The following ZCCHC8 variants were observed in gnomAD, a reference collection of about 807,000 sequenced individuals.
ZCCHC8 encodes zinc finger CCHC domain-containing protein 8.
A neutral mutation model predicts 70.6 loss-of-function variants in ZCCHC8; 27 were observed. That is an observed-to-expected ratio of 0.38 (90% CI 0.28 to 0.53). The LOEUF is 0.53. Ranked by LOEUF, ZCCHC8 falls within the 20% of genes least tolerant of loss-of-function variation. The probability of loss-of-function intolerance (pLI) is 0.81; values close to 1 mark genes in which losing one functional copy is unlikely to be tolerated. For missense variants in ZCCHC8, 737 were observed against 876.9 expected (o/e 0.84, Z 2.01); for synonymous variants, 293 against 317.4 (o/e 0.92, Z 0.82).
intron 2 of ZCCHC8, among the ~76,000 whole-genome samples, chr12:122,492,998 G>T (rs1957773833): frequency 6.6e-6 from 1 of 151,882 alleles, no homozygotes; most frequent in African/African-American, 2.4e-5. Flanking sequence ...TTCCCAAGTA[G>T]CTGGGACCAC....
At chr12:122,495,674 C>T (rs1040439959) in intron 2 of ZCCHC8, among the ~76,000 whole-genome samples, 2 of 151,878 alleles carry the variant, frequency 1.3e-5, no homozygotes, top group East Asian at 1.9e-4. Flanking sequence ...ATGGTGAAAC[C>T]CCGTCTCTAC....
chr12:122,481,831 C>T, intron 9 of ZCCHC8, 114 bp downstream of exon 9: 1 of 1,414,332 alleles, frequency 7.1e-7, no homozygotes, highest in Admixed American at 2.6e-5. Context: ...ATGTATATTA[C>T]CTAGGGCTTT....
chr12:122,489,295 C>T (rs919238315), intron 5 of ZCCHC8, 91 bp downstream of exon 5: 2 of 1,178,454 alleles, frequency 1.7e-6, no homozygotes, highest in Non-Finnish European at 1.2e-6. Flanking sequence ...AGACATATGA[C>T]TATACTACTT....
intron 9 of ZCCHC8, 93 bp downstream of exon 9, chr12:122,481,852 A>T (rs1202053097): frequency 8.2e-6 from 12 of 1,470,266 alleles, no homozygotes; most frequent in Non-Finnish European, 1.0e-5. Context: ...GCCAGAGTAC[A>T]CTTATATCCT....
At chr12:122,489,539 A>C (rs1957708103) in intron 4 of ZCCHC8, 76 bp from the exon 5 acceptor site, 1 of 1,287,730 alleles carries the variant, frequency 7.8e-7, no homozygotes, top group Non-Finnish European at 1.1e-6. Flanking sequence ...GTAAGTTTAG[A>C]AATTAAGCTA....
chr12:122,495,790 G>C (rs1316629195), intron 2 of ZCCHC8, among the ~76,000 whole-genome samples: 3 of 143,888 alleles, frequency 2.1e-5, no homozygotes, highest in African/African-American at 7.7e-5. Flanking sequence ...AGAGGTTGCA[G>C]TGAGCCAAGA....
At chr12:122,481,725 T>C (rs965526469) in intron 9 of ZCCHC8, 61 bp from the exon 10 acceptor site, 5 of 1,539,444 alleles carry the variant, frequency 3.2e-6, no homozygotes, top group African/African-American at 2.8e-5. Flanking sequence ...AAACACATAG[T>C]ATTCTGGTAT....
intron 13 of ZCCHC8, among the ~76,000 whole-genome samples, chr12:122,474,615 G>T (rs992522380): frequency 3.9e-5 from 6 of 152,132 alleles, no homozygotes; most frequent in African/African-American, 1.4e-4. Flanking sequence ...CCAAAAATTT[G>T]TGGCAGAATG....
intron 13 of ZCCHC8, among the ~76,000 whole-genome samples, chr12:122,474,734 CTT>C (rs1235367292): frequency 0.085 from 10,537 of 124,534 alleles, 1,324 homozygotes; most frequent in African/African-American, 0.3. Context: ...TTTCCTAGCT[CTT>C]TTTTTTTTTT....
Position 122,500,742 on chromosome 12 carries a change from G to C in ZCCHC8, c.99C>G (p.Asp33Glu). The C allele has an allele frequency of 1.3e-6, 2 of 1,586,276 alleles. No homozygotes were observed. Among genetic ancestry groups the C allele is most frequent in the Non-Finnish European group, 1.7e-6 (2 of 1,166,772 alleles). ...IPKPVHTRFK[D>E]DDGDEEDENG... ...TTTCGTCCTCCTCGTCGCCGTCGTC[G>C]TCCTTGAAGCGAGTGTGAACGGGCT... The change falls in exon 1 of 14, where the codon GAC becomes GAG. Residue 33 changes from aspartate to glutamate, a missense_variant. Transcript: ENST00000633063. The surrounding 1 kb of genome is among the most constrained non-coding windows in gnomAD (Gnocchi z 4.8).
In ZCCHC8 at chr12:122,490,519, T is replaced by A; in HGVS notation, c.366A>T (p.Arg122Ser). 6.2e-7 allele frequency: 1 copy of A among 1,612,592 alleles called. No homozygotes were observed. The highest frequency in any genetic ancestry group is 1.3e-5 in the African/African-American group (1 of 75,046). Reference protein sequence around the residue: ...IEEFVSNLVKRFEEQQKNDVE... With the variant: ...IEEFVSNLVKSFEEQQKNDVE... ...CATCATTTTTCTGCTGTTCCTCAAA[T>A]CTTTTTACTAAATTTGATACAAATT... Residue 122 changes from arginine (R) to serine (S), a missense_variant, in exon 4 of 14, where the codon AGA becomes AGT. Transcript: ENST00000633063.
intron 11 of ZCCHC8, 51 bp from the exon 12 acceptor site, chr12:122,478,343 CAT>C: frequency 2.9e-6 from 4 of 1,399,832 alleles, no homozygotes; most frequent in South Asian, 2.6e-5. Flanking sequence ...TGGAAAATGT[CAT>C]GTTTTGAGAT....
intron 11 of ZCCHC8, among the ~76,000 whole-genome samples, chr12:122,479,196 C>T (rs1260979928): frequency 6.6e-6 from 1 of 152,214 alleles, no homozygotes; most frequent in African/African-American, 2.4e-5. Flanking sequence ...CTGCTTCAGC[C>T]TCCTGAGTAG....
chr12:122,478,272 G>A lies in ZCCHC8; in HGVS notation c.1161C>T (p.Ser387=), dbSNP rs768580895. ...TCTGCTGACATGCCTGCATTGGTAT[G>A]GAACCAAAGATCCTCCATTCCTAAT... ...GIPDEWRIFG[S]IPMQACQQKD... is the part of the protein sequence containing the mutation. The change falls in exon 12 of 14, where the codon TCC becomes TCT. Residue 387 remains serine, a synonymous_variant. Transcript: ENST00000633063. 6.3e-7 allele frequency: 1 copy of A among 1,598,478 alleles called. No individual in the cohort carries two copies. Among genetic ancestry groups the A allele is most frequent in the Non-Finnish European group, 8.5e-7 (1 of 1,172,516 alleles).
chr12:122,476,249 G>A (rs1018063178), intron 13 of ZCCHC8, among the ~76,000 whole-genome samples: 1 of 152,076 alleles, frequency 6.6e-6, no homozygotes, highest in African/African-American at 2.4e-5. Context: ...TCTAGTAGGG[G>A]GTCTGAACTT....
At chr12:122,486,198 A>G (rs973322268) in intron 5 of ZCCHC8, among the ~76,000 whole-genome samples, 9 of 151,826 alleles carry the variant, frequency 5.9e-5, no homozygotes, top group African/African-American at 2.2e-4. Flanking sequence ...GTGGATCACA[A>G]AGTCAGGAGT....
In ZCCHC8 at chr12:122,483,756, G is replaced by T. The variant is rs1474997837; in HGVS notation, c.502-193C>A. ...CATCGTCAGTTCCCTCTCTCTGCTA[G>T]ATCAGTTTTTCCTCTGTATTGGATC... On this transcript the variant is annotated intron_variant, in intron 5 of 13. Coordinates refer to ENST00000633063, the MANE Select transcript of ZCCHC8 (RefSeq NM_017612.5). This position sits in a 1 kb window ranked among gnomAD's most constrained non-coding sequence, Gnocchi z 4.4. The T allele has an allele frequency of 1.7e-6, 1 of 571,704 alleles. No individual in the cohort carries two copies. Among genetic ancestry groups the T allele is most frequent in the Non-Finnish European group, 3.1e-6 (1 of 325,898 alleles). The allele number at this position is 571,704 out of a possible 1,614,324, so 35.4% of individuals were successfully genotyped here. A position where few individuals can be genotyped will look rare whatever the true frequency, so the allele number is the denominator to read the frequency against.
At chr12:122,494,373 G>A (rs1031090635) in intron 2 of ZCCHC8, among the ~76,000 whole-genome samples, 48 of 151,072 alleles carry the variant, frequency 3.2e-4, no homozygotes, top group African/African-American at 1.0e-3. Flanking sequence ...CCAACATGGT[G>A]CAACCCCGTT....
Position 122,473,330 on chromosome 12 carries a change from A to T in ZCCHC8, c.*167T>A. ...CAGTGAGAATAAAATATACTGAACT[A>T]GTGAGCTCAGTCTTTCTTTAAAATA... On this transcript the variant is annotated 3_prime_UTR_variant, in exon 14 of 14. Transcript: ENST00000633063. The T allele has an allele frequency of 1.3e-6, 1 of 741,132 alleles. No homozygotes were observed. The highest frequency in any genetic ancestry group is 2.1e-6 in the Non-Finnish European group (1 of 466,634). 45.9% of individuals were successfully genotyped at this position (741,132 alleles called of 1,614,324 possible).
Sources: gnomAD v4.1 joint callset for allele counts (sites outside exome capture counted in the v4.1 genomes callset) on GRCh38, gnomAD v4.1.1 for gene constraint, Gnocchi (gnomAD v3.1) non-coding constraint, MANE v1.5 for transcripts, NCBI Gene and HGNC (gene_info 2026-07-23, HGNC 2026-07-21) for gene names.